Variants in DEGS1 observed in about 807,000 individuals in gnomAD.
The protein encoded by DEGS1 is sphingolipid delta(4)-desaturase DES1.
In DEGS1, 17 loss-of-function variants were observed where a neutral mutation model predicts 24.1. The ratio of observed to expected loss-of-function variants is 0.70; its 90% CI spans 0.48 to 1.06. The LOEUF (loss-of-function observed/expected upper bound fraction) is 1.06. Ranked by LOEUF, DEGS1 falls within the 50% of genes least tolerant of loss-of-function variation. The pLI is 0.00. For synonymous variants in DEGS1, 134 were observed against 140.0 expected (o/e 0.96, Z 0.30); for missense variants, 366 against 408.9 (o/e 0.90, Z 0.91).
At chr1:224,192,191 C>CTGCTGCT in intron 2 of DEGS1, 141 bp from the exon 3 acceptor site, 1 of 557,898 alleles carries the variant, frequency 1.8e-6, no homozygotes, top group African/African-American at 2.1e-5. Context: ...GCTGCTGCTG[C>CTGCTGCT]TTTTTTTTTT....
intron 1 of DEGS1, among the ~76,000 whole-genome samples, chr1:224,187,407 C>T (rs1469795954): frequency 6.6e-6 from 1 of 152,086 alleles, no homozygotes; most frequent in Admixed American, 6.6e-5. Flanking sequence ...GAGAGTCTCA[C>T]TGTGTTGCCC....
chr1:224,190,340 A>G (rs763547698), intron 2 of DEGS1, 21 bp downstream of exon 2: 22 of 1,449,290 alleles, frequency 1.5e-5, no homozygotes, highest in Non-Finnish European at 2.0e-5. Flanking sequence ...GATTTGATAC[A>G]TATTCTAATT....
At chr1:224,188,349 A>T (rs1336674943) in intron 1 of DEGS1, among the ~76,000 whole-genome samples, 1 of 152,204 alleles carries the variant, frequency 6.6e-6, no homozygotes, top group Non-Finnish European at 1.5e-5. Flanking sequence ...GTTATAGCAT[A>T]TGTCAGTGTA....
rs768514466 is a variant in DEGS1 at position 224,189,944 on chromosome 1, C to G, written c.450C>G (p.Gly150=). The stretch of plus-strand genomic sequence containing the variant: ...TAGATATTCCTACCGATTTTGAGGG[C>G]TGGTTCTTCTGTACCGCTTTCAGAA... ...VDVDIPTDFE[G]WFFCTAFRKF... The change falls in exon 2 of 3, where the codon GGC becomes GGG. Residue 150 remains glycine (G), a synonymous_variant. Coordinates refer to ENST00000323699, the MANE Select transcript of DEGS1 (RefSeq NM_003676.4). 3 of 1,614,228 alleles carry G rather than the reference C, an allele frequency of 1.9e-6. No individual in the cohort carries two copies.
chr1:224,189,344 T>G (rs1417503185), intron 1 of DEGS1, among the ~76,000 whole-genome samples: 1 of 152,200 alleles, frequency 6.6e-6, no homozygotes, highest in Non-Finnish European at 1.5e-5. Flanking sequence ...ACTTCTAAAC[T>G]TTGAGGCTAA....
chr1:224,191,998 T>C (rs1204538687), intron 2 of DEGS1, among the ~76,000 whole-genome samples: 2 of 152,196 alleles, frequency 1.3e-5, no homozygotes, highest in South Asian at 2.1e-4. Context: ...TATGGCGTCA[T>C]CCATGCAGTA....
intron 1 of DEGS1, among the ~76,000 whole-genome samples, chr1:224,185,312 C>G (rs1007704438): frequency 1.3e-5 from 2 of 151,956 alleles, no homozygotes; most frequent in Non-Finnish European, 1.5e-5. Flanking sequence ...TCTTGAATTC[C>G]CTTCCTCCTC....
intron 1 of DEGS1, among the ~76,000 whole-genome samples, chr1:224,186,238 G>A (rs891263765): frequency 6.6e-6 from 1 of 152,098 alleles, no homozygotes; most frequent in Non-Finnish European, 1.5e-5. Flanking sequence ...AGCTGGGGAG[G>A]TAGAGGCTGC....
Position 224,189,932 on chromosome 1 carries a change from C to G in DEGS1, c.438C>G (p.Thr146=). ...ATGGCGTCGATGTAGATATTCCTAC[C>G]GATTTTGAGGGCTGGTTCTTCTGTA... ...GADGVDVDIP[T]DFEGWFFCTA... is the part of the protein sequence containing the mutation. Residue 146 remains threonine (T), a synonymous_variant, in exon 2 of 3, where the codon ACC becomes ACG. Transcript: ENST00000323699. The G allele has an allele frequency of 6.2e-7, 1 of 1,614,124 alleles. No individual in the cohort carries two copies.
chr1:224,185,137 G>A (rs1178611364), intron 1 of DEGS1, among the ~76,000 whole-genome samples: 1 of 152,018 alleles, frequency 6.6e-6, no homozygotes, highest in Non-Finnish European at 1.5e-5. Flanking sequence ...GACCACAAGC[G>A]CACACCACCA....
Position 224,188,637 on chromosome 1 carries a change from G to A in DEGS1, c.83-940G>A, listed in dbSNP as rs543529942. ...TTTCATGTGTTTCTTGACTGTTTCCGTATCTTTTGGAGAAAAGTGGGTTCA... is the reference window on the plus strand; with the variant it reads ...TTTCATGTGTTTCTTGACTGTTTCCATATCTTTTGGAGAAAAGTGGGTTCA... On this transcript the variant is annotated intron_variant, in intron 1 of 2. Transcript: ENST00000323699. 1.4e-4 allele frequency among the ~76,000 whole-genome samples: 21 copies of A among 152,176 alleles called. No individual in the cohort carries two copies. In the South Asian group the frequency reaches 3.9e-3, roughly 29 times the overall value.
intron 2 of DEGS1, among the ~76,000 whole-genome samples, chr1:224,190,608 A>C (rs1382533118): frequency 6.6e-6 from 1 of 151,804 alleles, no homozygotes; most frequent in Non-Finnish European, 1.5e-5. Flanking sequence ...TTAAAAAAAA[A>C]AAAAACAAAA....
In DEGS1 at chr1:224,193,171, ATTTG is replaced by A. The variant is rs1658588931; in HGVS notation, c.*696_*699del. 1 of 152,204 alleles carries A rather than the reference ATTTG, an allele frequency of 6.6e-6. No individual in the cohort carries two copies. The highest frequency in any genetic ancestry group is 1.5e-5 in the Non-Finnish European group (1 of 68,034). 9.4% of individuals were successfully genotyped at this position (152,204 alleles called of 1,614,324 possible). ...CAGCTATTAATCACAGTGTATTAGT[ATTTG>A]TTACATTTTTGTATTTCACTATCTT... On this transcript the variant is annotated 3_prime_UTR_variant, in exon 3 of 3. Transcript: ENST00000323699.
At position 224,192,256 on chromosome 1, in the gene DEGS1, T is replaced by C. The variant is rs943026760; in HGVS notation, c.826-76T>C. On this transcript the variant is annotated intron_variant, in intron 2 of 2. Coordinates refer to ENST00000323699, the MANE Select transcript of DEGS1 (RefSeq NM_003676.4). ...ATGGTTTCCCTTCTCAGTGTTTGTG[T>C]CAACCATTCATCAGTCATCTTTGAA... 4 of 1,311,956 alleles carry C rather than the reference T, an allele frequency of 3.0e-6. No homozygotes were observed. In the Middle Eastern group the frequency reaches 5.6e-4, roughly 185 times the overall value. 81.3% of individuals were successfully genotyped at this position (1,311,956 alleles called of 1,614,324 possible). A position where few individuals can be genotyped will look rare whatever the true frequency, so the allele number is the denominator to read the frequency against.
At position 224,190,258 on chromosome 1, in the gene DEGS1, A is replaced by G. The variant is rs768180196; in HGVS notation, c.764A>G (p.Asn255Ser). ...GGGCCTCTGAATTTACTTACCTTCA[A>G]TGTGGGTTATCATAATGAACATCAT... ...YYGPLNLLTF[N>S]VGYHNEHHDF... Residue 255 changes from asparagine to serine, a missense_variant, in exon 2 of 3, where the codon AAT becomes AGT. Physicochemically the swap from Asn to Ser is conservative, Grantham distance 46 (BLOSUM62 1). Transcript: ENST00000323699. The G allele has an allele frequency of 1.9e-5, 28 of 1,513,304 alleles. No homozygotes were observed. The highest frequency in any genetic ancestry group is 1.8e-4 in the Middle Eastern group (1 of 5,620). The allele number at this position is 1,513,304 out of a possible 1,614,324, so 93.7% of individuals were successfully genotyped here.
rs759581225 is a variant in DEGS1, at chr1:224,189,686, G to T, written c.192G>T (p.Leu64Phe). The change falls in exon 2 of 3, where the codon TTG becomes TTT. Residue 64 changes from leucine (L) to phenylalanine (F), a missense_variant. By Grantham distance (22) the Leu-to-Phe change is conservative. Transcript: ENST00000323699. ...QLGAFYIVKD[L>F]DWKWVIFGAY... ...GTGCATTTTACATAGTAAAAGACTT[G>T]GACTGGAAATGGGTCATATTTGGGG... 1.9e-5 allele frequency: 31 copies of T among 1,614,024 alleles called. No individual in the cohort carries two copies. The highest frequency in any genetic ancestry group is 2.7e-5 in the African/African-American group (2 of 74,918).
In DEGS1 at chr1:224,183,280, T is replaced by C. The variant is rs571443262; in HGVS notation, c.-57T>C. On this transcript the variant is annotated 5_prime_UTR_variant, in exon 1 of 3. Coordinates refer to ENST00000323699, the MANE Select transcript of DEGS1 (RefSeq NM_003676.4). ...GAGCCGCCGCCGCCGCCGCCACCTC[T>C]GAGCAGCCGGCTGGGAGCGAGAGCC... is the stretch of plus-strand genomic sequence containing the variant. 3 of 1,438,674 alleles carry C rather than the reference T, an allele frequency of 2.1e-6. No homozygotes were observed. The highest frequency in any genetic ancestry group is 2.7e-5 in the South Asian group (2 of 73,458). The allele number at this position is 1,438,674 out of a possible 1,614,324, so 89.1% of individuals were successfully genotyped here.
chr1:224,186,804 A>G (rs1286461127), intron 1 of DEGS1, among the ~76,000 whole-genome samples: 2 of 151,964 alleles, frequency 1.3e-5, no homozygotes, highest in African/African-American at 4.8e-5. Flanking sequence ...ATACTAACTC[A>G]TGTTCTGTTT....
chr1:224,192,397 GTAT>G lies in DEGS1; in HGVS notation c.892_894del (p.Tyr298del), dbSNP rs1450925892. 1 of 1,613,452 alleles carries G rather than the reference GTAT, an allele frequency of 6.2e-7. No homozygotes were observed. The highest frequency in any genetic ancestry group is 8.5e-7 in the Non-Finnish European group (1 of 1,179,732). ...ACTACAATTCCTGGATAAAAGTACT[GTAT>G]GATTTTGTGATGGATGATACAATAA... is the stretch of plus-strand genomic sequence containing the variant. On this transcript the variant is annotated inframe_deletion, in exon 3 of 3. Transcript: ENST00000323699.
Sources: gnomAD v4.1 joint callset for allele counts (sites outside exome capture counted in the v4.1 genomes callset) on GRCh38, gnomAD v4.1.1 for gene constraint, MANE v1.5 for transcripts, NCBI Gene and HGNC (gene_info 2026-07-23, HGNC 2026-07-21) for gene names.